Variants in TENT4B observed in about 807,000 individuals in gnomAD.
TENT4B encodes terminal nucleotidyltransferase 4B, also known as PAP associated domain containing 5.
In TENT4B, 10 loss-of-function variants were observed where a neutral mutation model predicts 75.0. The ratio of observed to expected loss-of-function variants is 0.13; its 90% CI spans 0.08 to 0.23. The LOEUF (loss-of-function observed/expected upper bound fraction) is 0.23, where lower values mean the gene tolerates loss of function less well. Among genes scored for constraint, TENT4B ranks in the 10% least tolerant of loss-of-function variants. The probability of loss-of-function intolerance (pLI) is 1.00; values close to 1 mark genes in which losing one functional copy is unlikely to be tolerated. For synonymous variants in TENT4B, 350 were observed against 357.7 expected (o/e 0.98, Z 0.24); for missense variants, 579 against 893.8 (o/e 0.65, Z 4.49).
intron 1 of TENT4B, among the ~76,000 whole-genome samples, chr16:50,204,380 A>G (rs2030830545): frequency 1.3e-5 from 2 of 152,204 alleles, no homozygotes; most frequent in South Asian, 4.1e-4. Context: ...AGGTGAACCA[A>G]GGAAGACTGA....
At chr16:50,177,918 A>G (rs1287670454) in intron 1 of TENT4B, among the ~76,000 whole-genome samples, 1 of 152,050 alleles carries the variant, frequency 6.6e-6, no homozygotes, top group African/African-American at 2.4e-5. Context: ...TTTTGATGTC[A>G]TATTTTCATT....
chr16:50,204,996 T>G (rs926943301), intron 1 of TENT4B, among the ~76,000 whole-genome samples: 2 of 152,218 alleles, frequency 1.3e-5, no homozygotes, highest in Non-Finnish European at 1.5e-5. Context: ...TCACCCTCTT[T>G]CGAAGTGTGT....
intron 2 of TENT4B, 109 bp from the exon 3 acceptor site, chr16:50,214,112 A>G (rs376602963): frequency 2.6e-5 from 20 of 783,382 alleles, no homozygotes; most frequent in East Asian, 1.9e-4. Context: ...CATACCAAAA[A>G]GTACCAGTAG....
chr16:50,215,567 G>T (rs377516292), intron 3 of TENT4B, among the ~76,000 whole-genome samples: 5 of 152,190 alleles, frequency 3.3e-5, no homozygotes, highest in African/African-American at 1.2e-4. Context: ...CTGCCCCCTG[G>T]TTCTCCTTGG....
intron 1 of TENT4B, among the ~76,000 whole-genome samples, chr16:50,192,347 G>A (rs932485736): frequency 2.0e-5 from 3 of 152,126 alleles, no homozygotes; most frequent in African/African-American, 7.2e-5. Flanking sequence ...GGATGAGATC[G>A]TGGAGGATGT....
At chr16:50,193,050 C>CA (rs2029953836) in intron 1 of TENT4B, among the ~76,000 whole-genome samples, 1 of 152,136 alleles carries the variant, frequency 6.6e-6, no homozygotes. Flanking sequence ...GCCTAGGTGA[C>CA]AGAGTGAGAC....
chr16:50,234,161 C>T lies in TENT4B; in HGVS notation c.*4833C>T. 11 of 985,392 alleles carry T rather than the reference C, an allele frequency of 1.1e-5. No individual in the cohort carries two copies. Among genetic ancestry groups the T allele is most frequent in the Non-Finnish European group, 1.3e-5 (11 of 829,948 alleles). The allele number at this position is 985,392 out of a possible 1,614,324, so 61.0% of individuals were successfully genotyped here. A position where few individuals can be genotyped will look rare whatever the true frequency, so the allele number is the denominator to read the frequency against. ...TACCAGTGAGAAACTATGAAGTAAA[C>T]AAGTTGCTCAGGCCGGGCATGGTGG... On this transcript the variant is annotated 3_prime_UTR_variant, in exon 12 of 12. Coordinates refer to ENST00000561678, the MANE Select transcript of TENT4B (RefSeq NM_001365324.3).
intron 1 of TENT4B, among the ~76,000 whole-genome samples, chr16:50,169,400 T>G (rs1387007897): frequency 6.8e-6 from 1 of 147,420 alleles, no homozygotes; most frequent in Non-Finnish European, 1.5e-5. Flanking sequence ...TTTTTTTTTT[T>G]TTTTTTTTTT....
chr16:50,232,162 A>C lies in TENT4B; in HGVS notation c.*2834A>C, dbSNP rs2032315087. ...AAATCTTACTGGTTATGTTTTGATG[A>C]TAAAAGTATATCCATTTTTTCCCTC... is the stretch of plus-strand genomic sequence containing the variant. On this transcript the variant is annotated 3_prime_UTR_variant, in exon 12 of 12. Coordinates refer to ENST00000561678, the MANE Select transcript of TENT4B (RefSeq NM_001365324.3). The C allele has an allele frequency of 1.0e-6, 1 of 985,274 alleles. No individual in the cohort carries two copies. Among genetic ancestry groups the C allele is most frequent in the South Asian group, 4.7e-5 (1 of 21,280 alleles). 61.0% of individuals were successfully genotyped at this position (985,274 alleles called of 1,614,324 possible).
At chr16:50,160,048 C>T (rs568044880) in intron 1 of TENT4B, among the ~76,000 whole-genome samples, 223 of 152,150 alleles carry the variant, frequency 1.5e-3, no homozygotes, top group African/African-American at 4.9e-3. Flanking sequence ...TACAGGCACC[C>T]GCCACCACAC....
At chr16:50,167,845 G>C (rs368132270) in intron 1 of TENT4B, among the ~76,000 whole-genome samples, 2 of 152,128 alleles carry the variant, frequency 1.3e-5, no homozygotes, top group South Asian at 2.1e-4. Context: ...TTAGTAAAGA[G>C]GGGGCTTCAC....
At chr16:50,179,133 C>T (rs1416184592) in intron 1 of TENT4B, among the ~76,000 whole-genome samples, 3 of 152,116 alleles carry the variant, frequency 2.0e-5, no homozygotes, top group Admixed American at 6.6e-5. Context: ...GAGACCGAGG[C>T]GGGTGGATCA....
chr16:50,153,169 T>A (rs1390291422), upstream of TENT4B: 2 of 17,164 alleles, frequency 1.2e-4, no homozygotes, highest in East Asian at 1.6e-3. Flanking sequence ...GGCGAGCGCG[T>A]GAGGGCGGGG....
intron 1 of TENT4B, among the ~76,000 whole-genome samples, chr16:50,158,820 G>A (rs1030645005): frequency 4.6e-5 from 7 of 152,160 alleles, no homozygotes; most frequent in African/African-American, 1.7e-4. Context: ...CTAGGATGGT[G>A]GGAATGGGGA....
chr16:50,205,336 C>T (rs2030888812), intron 1 of TENT4B, among the ~76,000 whole-genome samples: 1 of 151,862 alleles, frequency 6.6e-6, no homozygotes, highest in African/African-American at 2.4e-5. Context: ...ATCTCTGTTT[C>T]AAAAGTGGAC....
chr16:50,175,225 G>A (rs1299903942), intron 1 of TENT4B, among the ~76,000 whole-genome samples: 2 of 151,906 alleles, frequency 1.3e-5, no homozygotes, highest in Admixed American at 6.6e-5. Context: ...TATTTTTTCC[G>A]AGTCCGTGAC....
chr16:50,195,283 C>G (rs182189782), intron 1 of TENT4B, among the ~76,000 whole-genome samples: 17 of 152,234 alleles, frequency 1.1e-4, no homozygotes, highest in African/African-American at 4.1e-4. Flanking sequence ...GGTGATACCC[C>G]CTCCAAAGCA....
At chr16:50,171,638 T>C (rs2038208510) in intron 1 of TENT4B, among the ~76,000 whole-genome samples, 1 of 152,186 alleles carries the variant, frequency 6.6e-6, no homozygotes, top group Non-Finnish European at 1.5e-5. Context: ...TCCACTTATA[T>C]GTGGATTTTT....
intron 1 of TENT4B, among the ~76,000 whole-genome samples, chr16:50,180,566 G>A (rs575051156): frequency 3.3e-5 from 5 of 152,300 alleles, no homozygotes; most frequent in Admixed American, 6.5e-5. Context: ...AAAATTAGCC[G>A]GGTATGATGG....
Sources: allele counts gnomAD v4.1 joint callset (sites outside exome capture counted in the v4.1 genomes callset), GRCh38; gene constraint gnomAD v4.1.1; transcripts MANE v1.5; gene names NCBI Gene and HGNC (gene_info 2026-07-23, HGNC 2026-07-21).